The following CNTNAP2 variants were observed in gnomAD, a reference collection of about 807,000 sequenced individuals.
CNTNAP2 encodes the protein contactin associated protein 2, also known as contactin-associated protein-like 2.
A neutral mutation model predicts 155.2 loss-of-function variants in CNTNAP2; 98 were observed. The observed-to-expected ratio is 0.63, with a 90% CI of 0.54 to 0.75. CNTNAP2 has a LOEUF of 0.75. Among genes scored for constraint, CNTNAP2 ranks in the 30% least tolerant of loss-of-function variants. The pLI, the probability that CNTNAP2 is intolerant of heterozygous loss-of-function variation, is 0.00. For synonymous variants in CNTNAP2, 651 were observed against 631.2 expected (o/e 1.03, Z -0.47); for missense variants, 1,727 against 1,688.1 (o/e 1.02, Z -0.40).
At chr7:146,440,324 C>T (rs951381342) in intron 1 of CNTNAP2, among the ~76,000 whole-genome samples, 2 of 151,576 alleles carry the variant, frequency 1.3e-5, no homozygotes, top group Middle Eastern at 6.8e-3. Context: ...TTTAACCTAA[C>T]ACTCAATTAA....
rs747525088 is a variant in CNTNAP2 at position 146,774,346 on chromosome 7, A to G, written c.173A>G (p.Tyr58Cys). 1.9e-5 allele frequency: 30 copies of G among 1,613,880 alleles called. No individual in the cohort carries two copies. Among genetic ancestry groups the G allele is most frequent in the Non-Finnish European group, 2.5e-5 (29 of 1,179,966 alleles). Residue 58 changes from tyrosine to cysteine, a missense_variant, in exon 2 of 24, where the codon TAT becomes TGT. Physicochemically the swap from Tyr to Cys is radical, Grantham distance 194. Transcript: ENST00000361727. ...AGCTCCTCCTCCATCTCTGGTAGCT[A>G]TTCTCCCGGCTATGCCAAGATAAAC... is the stretch of plus-strand genomic sequence containing the variant. ...FSSSSSISGS[Y>C]SPGYAKINKR...
At chr7:147,433,694 C>T (rs958746519) in intron 10 of CNTNAP2, among the ~76,000 whole-genome samples, 6 of 152,120 alleles carry the variant, frequency 3.9e-5, no homozygotes, top group African/African-American at 1.2e-4. Flanking sequence ...CCGTGTCCTA[C>T]GAACTACAAA....
At chr7:148,112,060 C>CCTCT (rs1310123287) in intron 15 of CNTNAP2, among the ~76,000 whole-genome samples, 2 of 152,040 alleles carry the variant, frequency 1.3e-5, no homozygotes, top group African/African-American at 4.8e-5. Context: ...CAGGTGGGAA[C>CCTCT]AGAGGAAAGA....
Position 148,379,552 on chromosome 7 carries a change from A to C in CNTNAP2, c.3476-4097A>C, listed in dbSNP as rs551258119. Among the ~76,000 whole-genome samples the C allele has an allele frequency of 8.1e-5, 12 of 147,630 alleles. No individual in the cohort carries two copies. In the South Asian group the frequency reaches 2.6e-3, roughly 32 times the overall value. ...AACCCCGCCTCTACAAAAAAATACTAAAAAAAAAAATTAGTCGGGCATGGT... is the reference window on the plus strand; with the variant it reads ...AACCCCGCCTCTACAAAAAAATACTCAAAAAAAAAATTAGTCGGGCATGGT... On this transcript the variant is annotated intron_variant, in intron 21 of 23. Transcript: ENST00000361727.
At chr7:147,590,794 T>C (rs1800721560) in intron 12 of CNTNAP2, among the ~76,000 whole-genome samples, 1 of 152,162 alleles carries the variant, frequency 6.6e-6, no homozygotes, top group Admixed American at 6.6e-5. Context: ...GGTAATAGTT[T>C]ACATAGAATG....
At chr7:147,536,847 C>G (rs1799550386) in intron 11 of CNTNAP2, among the ~76,000 whole-genome samples, 1 of 152,168 alleles carries the variant, frequency 6.6e-6, no homozygotes, top group Non-Finnish European at 1.5e-5. Flanking sequence ...TTGAACATAG[C>G]TTCAAATAAT....
intron 1 of CNTNAP2, among the ~76,000 whole-genome samples, chr7:146,224,590 A>G (rs1799261617): frequency 3.8e-5 from 1 of 26,586 alleles, no homozygotes; most frequent in Non-Finnish European, 7.7e-5. Context: ...TACAAAAAAT[A>G]CAAAAAAAAA....
intron 1 of CNTNAP2, among the ~76,000 whole-genome samples, chr7:146,339,383 T>C (rs1801334966): frequency 6.6e-6 from 1 of 152,188 alleles, no homozygotes; most frequent in Non-Finnish European, 1.5e-5. Flanking sequence ...ACCAAAAGTT[T>C]GATTTACCCA....
intron 13 of CNTNAP2, among the ~76,000 whole-genome samples, chr7:147,868,747 C>T (rs1039679713): frequency 6.6e-6 from 1 of 152,240 alleles, no homozygotes; most frequent in Non-Finnish European, 1.5e-5. Context: ...TAGCAGTGAG[C>T]AAGGCTCCAT....
At chr7:147,382,300 A>G (rs997153658) in intron 9 of CNTNAP2, among the ~76,000 whole-genome samples, 8 of 152,132 alleles carry the variant, frequency 5.3e-5, no homozygotes, top group African/African-American at 1.9e-4. Context: ...CCAGAAACAA[A>G]TTGGAAGTGG....
chr7:147,683,024 C>T (rs928172758), intron 13 of CNTNAP2, among the ~76,000 whole-genome samples: 5 of 151,830 alleles, frequency 3.3e-5, no homozygotes, highest in African/African-American at 1.2e-4. Context: ...CTACTATTTA[C>T]TACTTTGGCA....
chr7:148,235,654 A>C (rs370274819), intron 20 of CNTNAP2, among the ~76,000 whole-genome samples: 2 of 150,844 alleles, frequency 1.3e-5, no homozygotes, highest in South Asian at 4.2e-4. Flanking sequence ...TATGTGCCGG[A>C]TAATGTGCTC....
At chr7:146,323,400 G>A (rs528634477) in intron 1 of CNTNAP2, among the ~76,000 whole-genome samples, 6 of 151,896 alleles carry the variant, frequency 4.0e-5, no homozygotes, top group Admixed American at 6.6e-5. Flanking sequence ...AAAAGACTCC[G>A]AGTATAATGC....
chr7:146,835,030 A>T lies in CNTNAP2; in HGVS notation c.209-4681A>T, dbSNP rs376875586. Among the ~76,000 whole-genome samples, 6 of 152,262 alleles carry T rather than the reference A, an allele frequency of 3.9e-5. No homozygotes were observed. The East Asian group carries it at 7.7e-4, about 20-fold the overall frequency. Reference sequence around the variant, plus strand: ...TTTTGCCCTCCCCTTGAGGTTAATCACTACAGTATTCTCTCCACATATATT... The same window carrying T: ...TTTTGCCCTCCCCTTGAGGTTAATCTCTACAGTATTCTCTCCACATATATT... On this transcript the variant is annotated intron_variant, in intron 2 of 23. Transcript: ENST00000361727.
chr7:146,237,016 A>G (rs930882594), intron 1 of CNTNAP2, among the ~76,000 whole-genome samples: 2 of 152,152 alleles, frequency 1.3e-5, no homozygotes, highest in African/African-American at 4.8e-5. Context: ...ACTTCTATAA[A>G]GGGAAAGTAC....
chr7:147,674,716 T>G (rs1795840782), intron 13 of CNTNAP2, among the ~76,000 whole-genome samples: 1 of 152,168 alleles, frequency 6.6e-6, no homozygotes. Flanking sequence ...AGCTTGTCCA[T>G]AGAATTTATT....
At chr7:146,817,605 C>T (rs1417487184) in intron 2 of CNTNAP2, among the ~76,000 whole-genome samples, 1 of 152,080 alleles carries the variant, frequency 6.6e-6, no homozygotes, top group East Asian at 1.9e-4. Flanking sequence ...AGGACACTTA[C>T]AATCATGGAA....
chr7:147,304,166 G>A (rs1794988573), intron 9 of CNTNAP2, among the ~76,000 whole-genome samples: 1 of 151,946 alleles, frequency 6.6e-6, no homozygotes, highest in African/African-American at 2.4e-5. Context: ...GTCCTCCTTT[G>A]TAACATCCAT....
chr7:146,834,180 C>A (rs1803570832), intron 2 of CNTNAP2, among the ~76,000 whole-genome samples: 1 of 152,044 alleles, frequency 6.6e-6, no homozygotes, highest in Non-Finnish European at 1.5e-5. Context: ...TCTTCAGGAG[C>A]CATTTATCAC....
Sources: gnomAD v4.1 joint callset for allele counts (sites outside exome capture counted in the v4.1 genomes callset) on GRCh38, gnomAD v4.1.1 for gene constraint, MANE v1.5 for transcripts, NCBI Gene and HGNC (gene_info 2026-07-23, HGNC 2026-07-21) for gene names.